RIMS2: variants seen among roughly 807,000 people sequenced by gnomAD.
RIMS2 encodes the protein regulating synaptic membrane exocytosis 2, also known as regulating synaptic membrane exocytosis protein 2.
A neutral mutation model predicts 174.4 loss-of-function variants in RIMS2; 59 were observed. The observed-to-expected ratio is 0.34, with a 90% CI of 0.27 to 0.42. RIMS2 has a LOEUF of 0.42. Among genes scored for constraint, RIMS2 ranks in the 10% least tolerant of loss-of-function variants. The probability of loss-of-function intolerance (pLI) is 1.00; values close to 1 mark genes in which losing one functional copy is unlikely to be tolerated. For missense variants in RIMS2, 1,620 were observed against 1,666.3 expected (o/e 0.97, Z 0.48); for synonymous variants, 606 against 572.5 (o/e 1.06, Z -0.84).
intron 2 of RIMS2, among the ~76,000 whole-genome samples, chr8:103,697,888 G>C (rs2097125713): frequency 6.6e-6 from 1 of 152,186 alleles, no homozygotes; most frequent in Admixed American, 6.5e-5. Context: ...AGCTGGGCAT[G>C]GTGGTGTGTG....
chr8:104,016,718 T>C (rs1405848636), intron 19 of RIMS2, among the ~76,000 whole-genome samples: 1 of 152,126 alleles, frequency 6.6e-6, no homozygotes, highest in Admixed American at 6.5e-5. Flanking sequence ...GAAACTATAA[T>C]TTATGCACAT....
At chr8:104,059,177 G>T (rs928232362) in intron 19 of RIMS2, among the ~76,000 whole-genome samples, 13 of 151,630 alleles carry the variant, frequency 8.6e-5, no homozygotes, top group African/African-American at 2.9e-4. Context: ...CCATTTTCAT[G>T]ATATTGATTC....
At chr8:103,742,567 C>A (rs1437602124) in intron 2 of RIMS2, among the ~76,000 whole-genome samples, 1 of 152,030 alleles carries the variant, frequency 6.6e-6, no homozygotes, top group East Asian at 1.9e-4. Context: ...ACGCAATAAC[C>A]CTTTTTGTCA....
intron 1 of RIMS2, among the ~76,000 whole-genome samples, chr8:103,621,435 T>A (rs2095633170): frequency 6.6e-6 from 1 of 152,206 alleles, no homozygotes; most frequent in Non-Finnish European, 1.5e-5. Flanking sequence ...ACTTGTGGAA[T>A]GCTGAGAAAG....
chr8:103,820,036 G>A (rs1478183354), intron 3 of RIMS2, among the ~76,000 whole-genome samples: 17 of 152,018 alleles, frequency 1.1e-4, no homozygotes, highest in Non-Finnish European at 4.4e-5. Flanking sequence ...TAAAACATGT[G>A]GAAGATGTTT....
intron 19 of RIMS2, among the ~76,000 whole-genome samples, chr8:104,099,650 A>G (rs1456641310): frequency 6.6e-6 from 1 of 151,918 alleles, no homozygotes; most frequent in Non-Finnish European, 1.5e-5. Flanking sequence ...TCAGGGGGAA[A>G]ATTTCTGGGA....
chr8:104,178,098 C>T (rs1002830432), intron 19 of RIMS2, among the ~76,000 whole-genome samples: 1 of 152,156 alleles, frequency 6.6e-6, no homozygotes, highest in Non-Finnish European at 1.5e-5. Flanking sequence ...TTATTTCATA[C>T]TTTCTTAGAT....
chr8:103,739,261 C>G (rs2097728557), intron 2 of RIMS2, among the ~76,000 whole-genome samples: 1 of 152,130 alleles, frequency 6.6e-6, no homozygotes, highest in African/African-American at 2.4e-5. Context: ...CCATCATTCT[C>G]AGCAAACTAT....
chr8:103,993,873 C>A (rs916373274), intron 17 of RIMS2, among the ~76,000 whole-genome samples: 2 of 151,598 alleles, frequency 1.3e-5, no homozygotes, highest in South Asian at 2.1e-4. Context: ...CAAACACACA[C>A]AAAAAATAAA....
chr8:103,760,199 G>A (rs1307180483), intron 2 of RIMS2, among the ~76,000 whole-genome samples: 2 of 152,224 alleles, frequency 1.3e-5, no homozygotes, highest in Non-Finnish European at 2.9e-5. Context: ...TCAGGAGGAT[G>A]TGCTGTTGCC....
At chr8:103,866,431 T>C (rs1416286921) in intron 3 of RIMS2, among the ~76,000 whole-genome samples, 1 of 152,156 alleles carries the variant, frequency 6.6e-6, no homozygotes, top group Non-Finnish European at 1.5e-5. Context: ...TCTTTGTCTT[T>C]ACACTTCCTG....
chr8:103,703,446 T>C (rs1219897244), intron 2 of RIMS2, among the ~76,000 whole-genome samples: 2 of 151,876 alleles, frequency 1.3e-5, no homozygotes, highest in Non-Finnish European at 2.9e-5. Flanking sequence ...CCATATTGGT[T>C]AGGCTGGTCT....
intron 3 of RIMS2, among the ~76,000 whole-genome samples, chr8:103,812,461 T>C (rs972355494): frequency 4.6e-5 from 7 of 151,458 alleles, no homozygotes; most frequent in African/African-American, 1.7e-4. Flanking sequence ...TCTTGGTATA[T>C]ACCTCCGCCT....
chr8:103,622,387 C>A (rs1238920969), intron 1 of RIMS2, among the ~76,000 whole-genome samples: 1 of 151,878 alleles, frequency 6.6e-6, no homozygotes, highest in African/African-American at 2.4e-5. Flanking sequence ...TAATGCATAA[C>A]ATTTTAAAAA....
intron 3 of RIMS2, among the ~76,000 whole-genome samples, chr8:103,834,235 C>G (rs897165278): frequency 6.6e-6 from 1 of 151,394 alleles, no homozygotes. Flanking sequence ...ACCCTGTTTC[C>G]CTTGAGATGA....
rs2099347500 is a variant in RIMS2, at chr8:104,248,576, A to G, written c.3477-125A>G. The G allele has an allele frequency of 2.0e-5, 13 of 641,344 alleles. No homozygotes were observed. The South Asian group carries it at 2.4e-4, about 12-fold the overall frequency. The allele number at this position is 641,344 out of a possible 1,614,324, so 39.7% of individuals were successfully genotyped here. A position where few individuals can be genotyped will look rare whatever the true frequency, so the allele number is the denominator to read the frequency against. On this transcript the variant is annotated intron_variant, in intron 20 of 23. Transcript: ENST00000504942. The stretch of plus-strand genomic sequence containing the variant: ...GAGGTGGAACTGGGTATTTGGATCC[A>G]GTAAATATAAGTGACAAAATAATAG...
chr8:103,983,397 T>A (rs554416733), intron 16 of RIMS2, among the ~76,000 whole-genome samples: 39 of 152,268 alleles, frequency 2.6e-4, no homozygotes, highest in Non-Finnish European at 5.1e-4. Flanking sequence ...GAAGAAATAA[T>A]TCTAAAATTC....
At chr8:103,840,503 C>T (rs1003037060) in intron 3 of RIMS2, among the ~76,000 whole-genome samples, 11 of 151,688 alleles carry the variant, frequency 7.3e-5, no homozygotes, top group Non-Finnish European at 1.2e-4. Flanking sequence ...TTAATCCACT[C>T]TCCCACAGAG....
intron 1 of RIMS2, among the ~76,000 whole-genome samples, chr8:103,636,755 C>T (rs1235550783): frequency 6.6e-6 from 1 of 151,140 alleles, no homozygotes; most frequent in Admixed American, 6.6e-5. Flanking sequence ...ATCTTGGCCA[C>T]TCCCTTGCTT....
Sources: gnomAD v4.1 joint callset for allele counts (sites outside exome capture counted in the v4.1 genomes callset) on GRCh38, gnomAD v4.1.1 for gene constraint, MANE v1.5 for transcripts, NCBI Gene and HGNC (gene_info 2026-07-23, HGNC 2026-07-21) for gene names.